The following RAD51B variants were observed in gnomAD, a reference collection of about 807,000 sequenced individuals.
RAD51B encodes the protein RAD51 paralog B.
Under a neutral mutation model 42.2 loss-of-function variants are expected in RAD51B, and 38 were observed. The observed-to-expected ratio is 0.90, with a 90% CI of 0.70 to 1.18. The LOEUF is 1.18. Among genes scored for constraint, RAD51B ranks in the 50% most tolerant of loss-of-function variants. RAD51B has a pLI of 0.00. For synonymous variants in RAD51B, 154 were observed against 145.2 expected, an observed-to-expected ratio of 1.06 and a Z score of -0.43; for missense variants, 373 against 400.7, an observed-to-expected ratio of 0.93 and a Z score of 0.59.
intron 8 of RAD51B, among the ~76,000 whole-genome samples, chr14:68,304,313 A>G (rs530995169): frequency 3.9e-5 from 6 of 152,376 alleles, no homozygotes; most frequent in Admixed American, 2.6e-4. Context: ...GGGTTCAATT[A>G]TCACCCTCAA....
chr14:68,167,474 T>G (rs2140845382), intron 7 of RAD51B, among the ~76,000 whole-genome samples: 1 of 152,234 alleles, frequency 6.6e-6, no homozygotes, highest in African/African-American at 2.4e-5. Flanking sequence ...GTATGAGAGA[T>G]TATGTCTTGT....
chr14:67,979,501 G>T (rs188198574), intron 7 of RAD51B, among the ~76,000 whole-genome samples: 1 of 151,902 alleles, frequency 6.6e-6, no homozygotes, highest in Admixed American at 6.6e-5. Flanking sequence ...TTAACACTGC[G>T]CTACTTGGTG....
intron 8 of RAD51B, among the ~76,000 whole-genome samples, chr14:68,383,930 C>G (rs1002542567): frequency 2.6e-5 from 4 of 152,160 alleles, no homozygotes; most frequent in Non-Finnish European, 4.4e-5. Context: ...TGTGTCAATC[C>G]CAAGGACCTA....
intron 10 of RAD51B, among the ~76,000 whole-genome samples, chr14:68,516,350 T>A (rs191398389): frequency 3.3e-5 from 5 of 152,342 alleles, no homozygotes; most frequent in East Asian, 1.9e-4. Context: ...ATAACTTTTT[T>A]AAAAAATCCA....
chr14:68,387,734 A>ACTCTTACACACACACTAT (rs1405427168), intron 8 of RAD51B, among the ~76,000 whole-genome samples: 1 of 152,042 alleles, frequency 6.6e-6, no homozygotes, highest in Non-Finnish European at 1.5e-5. Context: ...TTGGTCTCAC[A>ACTCTTACACACACACTAT]CTCTTACACA....
intron 7 of RAD51B, among the ~76,000 whole-genome samples, chr14:68,263,013 T>G (rs1212910404): frequency 6.6e-6 from 1 of 152,228 alleles, no homozygotes; most frequent in Non-Finnish European, 1.5e-5. Flanking sequence ...TAATGTGGCT[T>G]TTATTATAGA....
chr14:68,256,448 T>A (rs2080755700), intron 7 of RAD51B, among the ~76,000 whole-genome samples: 1 of 152,200 alleles, frequency 6.6e-6, no homozygotes, highest in African/African-American at 2.4e-5. Flanking sequence ...TAATTTCAGT[T>A]GGGGAAGCTT....
At chr14:68,138,879 T>A (rs1038875145) in intron 7 of RAD51B, among the ~76,000 whole-genome samples, 1 of 152,180 alleles carries the variant, frequency 6.6e-6, no homozygotes, top group South Asian at 2.1e-4. Flanking sequence ...AATGGTTCTT[T>A]TAGTATTTTT....
intron 7 of RAD51B, among the ~76,000 whole-genome samples, chr14:68,138,931 G>A (rs1595456551): frequency 6.6e-6 from 1 of 152,192 alleles, no homozygotes; most frequent in South Asian, 2.1e-4. Context: ...GAGAAATTGG[G>A]AAAAGTAGCC....
intron 7 of RAD51B, among the ~76,000 whole-genome samples, chr14:68,001,686 C>A (rs1481497682): frequency 6.6e-6 from 1 of 152,118 alleles, no homozygotes; most frequent in African/African-American, 2.4e-5. Flanking sequence ...CTTCCTGATG[C>A]TCTCCCTCTT....
chr14:68,577,260 G>A (rs76528610), intron 10 of RAD51B, among the ~76,000 whole-genome samples: 1,706 of 152,240 alleles, frequency 0.011, 36 homozygotes, highest in African/African-American at 0.04. Flanking sequence ...CACGTTCTGA[G>A]TTCATGGACA....
At chr14:67,909,013 A>C (rs2043875640) in intron 7 of RAD51B, among the ~76,000 whole-genome samples, 1 of 152,172 alleles carries the variant, frequency 6.6e-6, no homozygotes, top group South Asian at 2.1e-4. Flanking sequence ...GTAACATAGG[A>C]TGTCATCATT....
intron 8 of RAD51B, among the ~76,000 whole-genome samples, chr14:68,334,155 C>G (rs1275071519): frequency 6.6e-6 from 1 of 152,076 alleles, no homozygotes; most frequent in Non-Finnish European, 1.5e-5. Flanking sequence ...TAGAAAAATG[C>G]AGGGATGAGG....
At chr14:68,196,877 CT>C (rs2079383777) in intron 7 of RAD51B, among the ~76,000 whole-genome samples, 2 of 152,186 alleles carry the variant, frequency 1.3e-5, no homozygotes, top group African/African-American at 4.8e-5. Context: ...TCAAGGAGTT[CT>C]ACTCTTTTGA....
rs570752071 is a variant in RAD51B, at chr14:68,224,270, G to T, written c.757-67614G>T. On this transcript the variant is annotated intron_variant, in intron 7 of 10. Transcript: ENST00000471583. ...TTGCATGACTCTGTTACAATTCTTG[G>T]ATAACTTTTCAAGAACCACTTTGGA... Among the ~76,000 whole-genome samples, 31 of 152,262 alleles carry T rather than the reference G, an allele frequency of 2.0e-4. No individual in the cohort carries two copies. In the South Asian group the frequency reaches 4.6e-3, roughly 22 times the overall value.
chr14:68,331,035 C>G (rs1304965471), intron 8 of RAD51B, among the ~76,000 whole-genome samples: 1 of 151,966 alleles, frequency 6.6e-6, no homozygotes, highest in African/African-American at 2.4e-5. Context: ...GTTTTAAAAA[C>G]AATTCTAGGT....
chr14:67,940,051 T>C, intron 7 of RAD51B, among the ~76,000 whole-genome samples: 1 of 17,370 alleles, frequency 5.8e-5, no homozygotes, highest in Non-Finnish European at 1.4e-4. Flanking sequence ...TATATATATA[T>C]ATATTTTTTT....
intron 7 of RAD51B, among the ~76,000 whole-genome samples, chr14:68,154,291 A>G (rs1300515476): frequency 6.6e-6 from 1 of 152,226 alleles, no homozygotes; most frequent in Non-Finnish European, 1.5e-5. Context: ...AGAACTATTT[A>G]ATTTAAAGCT....
intron 11 of RAD51B, among the ~76,000 whole-genome samples, chr14:68,659,766 G>T (rs560084367): frequency 6.6e-6 from 1 of 152,368 alleles, no homozygotes; most frequent in South Asian, 2.1e-4. Flanking sequence ...CCAATCTGGA[G>T]CCATGCCCTG....
Sources: gnomAD v4.1 joint callset for allele counts (sites outside exome capture counted in the v4.1 genomes callset) on GRCh38, gnomAD v4.1.1 for gene constraint, MANE v1.5 for transcripts, NCBI Gene and HGNC (gene_info 2026-07-23, HGNC 2026-07-21) for gene names.